Variants in SH3TC1 observed in about 807,000 individuals in gnomAD.
SH3TC1 encodes SH3 domain and tetratricopeptide repeat-containing protein 1.
Under a neutral mutation model 117.3 loss-of-function variants are expected in SH3TC1, and 135 were observed. That is an observed-to-expected ratio of 1.15 (90% confidence interval 1.00 to 1.33). The LOEUF (loss-of-function observed/expected upper bound fraction) is 1.33. SH3TC1 is among the 40% of genes most tolerant of loss of function. The pLI, the probability that SH3TC1 is intolerant of heterozygous loss-of-function variation, is 0.00. For synonymous variants in SH3TC1, 898 were observed against 816.9 expected (o/e 1.10, Z -1.69); for missense variants, 2,092 against 1,794.3 (o/e 1.17, Z -3.00).
chr4:8,205,592 C>T lies in SH3TC1; in HGVS notation c.172+226C>T. On this transcript the variant is annotated intron_variant, in intron 2 of 17. Coordinates refer to ENST00000245105, the MANE Select transcript of SH3TC1 (RefSeq NM_018986.5). The surrounding 1 kb of genome is among the most constrained non-coding windows in gnomAD (Gnocchi z 5.4). Reference sequence around the variant, plus strand: ...GGCCAGGGCCCAGCTCGTGTTTTTCCAGGGACGCGTCAGTGATAACAAAAC... The same window carrying T: ...GGCCAGGGCCCAGCTCGTGTTTTTCTAGGGACGCGTCAGTGATAACAAAAC... 1.3e-6 allele frequency: 1 copy of T among 781,854 alleles called. No homozygotes were observed. The highest frequency in any genetic ancestry group is 2.3e-6 in the Non-Finnish European group (1 of 432,936). 48.4% of individuals were successfully genotyped at this position (781,854 alleles called of 1,614,324 possible). A position where few individuals can be genotyped will look rare whatever the true frequency, so the allele number is the denominator to read the frequency against.
chr4:8,239,002 C>G (rs778445774), intron 17 of SH3TC1, among the ~76,000 whole-genome samples: 1 of 152,144 alleles, frequency 6.6e-6, no homozygotes, highest in Non-Finnish European at 1.5e-5. Flanking sequence ...GTAGAGGTGC[C>G]GGATCCAGGG....
intron 5 of SH3TC1, among the ~76,000 whole-genome samples, chr4:8,215,748 T>C (rs1283611837): frequency 6.6e-6 from 1 of 152,208 alleles, no homozygotes; most frequent in Non-Finnish European, 1.5e-5. Flanking sequence ...GGGCGGGGCT[T>C]GCACATGGGC....
In SH3TC1 at chr4:8,219,547, C is replaced by A. The variant is rs749240004; in HGVS notation, c.1112+17C>A. ...CGTGTCCGAGTGAGTGGCTGGAGCC[C>A]CGCCCCTTTCCTGAACCCACCCCCA... On this transcript the variant is annotated intron_variant, in intron 9 of 17. Transcript: ENST00000245105. 11 of 1,504,030 alleles carry A rather than the reference C, an allele frequency of 7.3e-6. No individual in the cohort carries two copies. Among genetic ancestry groups the A allele is most frequent in the Non-Finnish European group, 9.8e-6 (11 of 1,120,658 alleles). The allele number at this position is 1,504,030 out of a possible 1,614,324, so 93.2% of individuals were successfully genotyped here.
intron 3 of SH3TC1, among the ~76,000 whole-genome samples, chr4:8,211,788 C>T (rs1718756207): frequency 6.6e-6 from 1 of 152,078 alleles, no homozygotes; most frequent in South Asian, 2.1e-4. Flanking sequence ...ATCTCAGGAG[C>T]TCCACAGCCC....
In SH3TC1 at chr4:8,240,814, C is replaced by T; in HGVS notation, c.3870C>T (p.Phe1290=). 1 of 1,614,170 alleles carries T rather than the reference C, an allele frequency of 6.2e-7. No homozygotes were observed. Among genetic ancestry groups the T allele is most frequent in the Non-Finnish European group, 8.5e-7 (1 of 1,180,046 alleles). ...GGCTGGCCACCATCTACCACAACTT[C>T]CTCCTGGACCGTGAGAAGTCGCTCT... is the stretch of plus-strand genomic sequence containing the variant. ...YTRLATIYHN[F]LLDREKSLFF... The change falls in exon 18 of 18, where the codon TTC becomes TTT. Residue 1290 remains phenylalanine (F), a synonymous_variant. Coordinates refer to ENST00000245105, the MANE Select transcript of SH3TC1 (RefSeq NM_018986.5).
In SH3TC1 at chr4:8,224,941, C is replaced by T; in HGVS notation, c.1244-234C>T. 9.6e-6 allele frequency: 5 copies of T among 520,334 alleles called. No homozygotes were observed. In the South Asian group the frequency reaches 1.4e-4, roughly 15 times the overall value. 32.2% of individuals were successfully genotyped at this position (520,334 alleles called of 1,614,324 possible). A position where few individuals can be genotyped will look rare whatever the true frequency, so the allele number is the denominator to read the frequency against. On this transcript the variant is annotated intron_variant, in intron 10 of 17. Transcript: ENST00000245105. ...GGCCCATTGGCTGGTGCCTCTCCCT[C>T]AGGTGTCAGCAGTGCTCCTATGCTG...
chr4:8,236,809 A>G (rs1321043659), intron 16 of SH3TC1: 2 of 192,960 alleles, frequency 1.0e-5, no homozygotes, highest in Non-Finnish European at 2.1e-5. Context: ...TGGCTGATGA[A>G]GTCCCAGTTC....
intron 13 of SH3TC1, chr4:8,232,757 G>A (rs1381028785): frequency 1.0e-5 from 13 of 1,289,724 alleles, no homozygotes; most frequent in Non-Finnish European, 1.3e-5. Flanking sequence ...CAAGAGAGCA[G>A]GGAAGGAGCC....
chr4:8,203,786 T>C (rs967691068), intron 1 of SH3TC1, among the ~76,000 whole-genome samples: 1 of 152,086 alleles, frequency 6.6e-6, no homozygotes, highest in African/African-American at 2.4e-5. Context: ...AGGTGCTCGA[T>C]GTCCAGGGCC....
chr4:8,233,771 C>CA (rs1553808795), intron 14 of SH3TC1, among the ~76,000 whole-genome samples: 1 of 149,990 alleles, frequency 6.7e-6, no homozygotes, highest in Non-Finnish European at 1.5e-5. Flanking sequence ...TCCATCCATC[C>CA]TTCCATTATC....
intron 12 of SH3TC1, 42 bp downstream of exon 12, chr4:8,228,686 C>A (rs750687186): frequency 5.8e-6 from 8 of 1,379,588 alleles, no homozygotes; most frequent in Admixed American, 2.8e-5. Context: ...CGGGGCCACT[C>A]GGGTCAGGGC....
chr4:8,238,911 G>A (rs553247814), intron 17 of SH3TC1, among the ~76,000 whole-genome samples: 32 of 152,328 alleles, frequency 2.1e-4, no homozygotes, highest in Non-Finnish European at 4.1e-4. Flanking sequence ...TGCTGTCAGC[G>A]CAGGCCAGCT....
Position 8,241,045 on chromosome 4 carries a change from G to A in SH3TC1, c.*90G>A. On this transcript the variant is annotated 3_prime_UTR_variant, in exon 18 of 18. Transcript: ENST00000245105. ...CCGGTGGCTCATTTTCTGGCAAATG[G>A]AGGCACGAACGCAGGGGCCAAATAG... The A allele has an allele frequency of 6.5e-7, 1 of 1,546,664 alleles. No homozygotes were observed. The highest frequency in any genetic ancestry group is 1.2e-5 in the South Asian group (1 of 85,632).
chr4:8,225,117 C>A lies in SH3TC1; in HGVS notation c.1244-58C>A. The A allele has an allele frequency of 6.2e-7, 1 of 1,601,232 alleles. No individual in the cohort carries two copies. On this transcript the variant is annotated intron_variant, in intron 10 of 17. Coordinates refer to ENST00000245105, the MANE Select transcript of SH3TC1 (RefSeq NM_018986.5). The surrounding 1 kb of genome is among the most constrained non-coding windows in gnomAD (Gnocchi z 5.5). ...CAACATCGACACTAGCTCAACCTGG[C>A]AGGGGACCAGAGGTACTGGCTGGGG...
At position 8,208,246 on chromosome 4, in the gene SH3TC1, C is replaced by G. The variant is rs140516339; in HGVS notation, c.173-1502C>G. Among the ~76,000 whole-genome samples, 944 of 152,360 alleles carry G rather than the reference C, an allele frequency of 6.2e-3. 13 individuals are homozygous for G. The highest frequency in any genetic ancestry group is 0.022 in the African/African-American group (910 of 41,584). ...GATTCTTTAGCTCAAAATCCGAGCA[C>G]ACGTTCTTCTTAGCCCATGGGGGCA... On this transcript the variant is annotated intron_variant, in intron 2 of 17. Transcript: ENST00000245105.
At chr4:8,198,919 A>T (rs538014845), upstream of SH3TC1, among the ~76,000 whole-genome samples, 1 of 152,296 alleles carries the variant, frequency 6.6e-6, no homozygotes, top group South Asian at 2.1e-4. Context: ...GTGTGTGTGC[A>T]TGCATGTATG....
At chr4:8,191,473 C>A (rs1452601624) in intron 1 of SH3TC1, among the ~76,000 whole-genome samples, 1 of 152,228 alleles carries the variant, frequency 6.6e-6, no homozygotes, top group Non-Finnish European at 1.5e-5. Flanking sequence ...TTCCTGAAAT[C>A]ATGGGGCCTA....
intron 17 of SH3TC1, among the ~76,000 whole-genome samples, chr4:8,239,298 T>C (rs114490819): frequency 0.018 from 2,441 of 138,106 alleles, 67 homozygotes; most frequent in African/African-American, 0.058. Flanking sequence ...CATGCACACA[T>C]GAGCACACAC....
intron 13 of SH3TC1, chr4:8,232,445 T>C (rs758533614): frequency 5.4e-5 from 82 of 1,510,946 alleles, no homozygotes; most frequent in Non-Finnish European, 6.8e-5. Context: ...ACATGCATTC[T>C]GGGCTGTTCT....
Sources: gnomAD v4.1 joint callset for allele counts (sites outside exome capture counted in the v4.1 genomes callset) on GRCh38, gnomAD v4.1.1 for gene constraint, Gnocchi (gnomAD v3.1) non-coding constraint, MANE v1.5 for transcripts, NCBI Gene and HGNC (gene_info 2026-07-23, HGNC 2026-07-21) for gene names.